PARVB: variants seen among roughly 807,000 people sequenced by gnomAD.
PARVB encodes beta-parvin.
In PARVB, 46 loss-of-function variants were observed where a neutral mutation model predicts 47.0. That is an observed-to-expected ratio of 0.98 (90% CI 0.77 to 1.25). The LOEUF is 1.25. Among genes scored for constraint, PARVB ranks in the 50% most tolerant of loss-of-function variants. The pLI is 0.00. For synonymous variants in PARVB, 196 were observed against 196.3 expected (o/e 1.00, Z 0.01); for missense variants, 473 against 471.6 (o/e 1.00, Z -0.03).
intron 7 of PARVB, among the ~76,000 whole-genome samples, chr22:44,138,365 C>A (rs1031136718): frequency 6.6e-6 from 1 of 152,018 alleles, no homozygotes; most frequent in Admixed American, 6.6e-5. Context: ...ATCAGATGGC[C>A]CTGAGCAGTG....
chr22:44,122,506 G>GAC (rs2053073617), intron 4 of PARVB, among the ~76,000 whole-genome samples: 3 of 92,264 alleles, frequency 3.3e-5, no homozygotes, highest in African/African-American at 1.4e-4. Flanking sequence ...GAGAGAGAGA[G>GAC]AGAGAGAGAG....
intron 11 of PARVB, chr22:44,162,931 T>C (rs139078): frequency 0.6 from 90,538 of 152,116 alleles, 27,332 homozygotes; most frequent in East Asian, 0.78. Context: ...CACGTTTCTG[T>C]AGCATCTAAC....
chr22:44,118,279 G>T (rs1379815201), intron 3 of PARVB, among the ~76,000 whole-genome samples: 1 of 152,240 alleles, frequency 6.6e-6, no homozygotes, highest in Non-Finnish European at 1.5e-5. Context: ...TTGAAAACAT[G>T]CTCAGTGAAA....
At chr22:44,048,036 G>A (rs2051144394) in intron 1 of PARVB, among the ~76,000 whole-genome samples, 1 of 152,196 alleles carries the variant, frequency 6.6e-6, no homozygotes, top group South Asian at 2.1e-4. Flanking sequence ...ATTCCCCACA[G>A]GACCAGTGGG....
chr22:44,129,927 G>A (rs898122655), intron 4 of PARVB, among the ~76,000 whole-genome samples: 4 of 152,188 alleles, frequency 2.6e-5, no homozygotes, highest in Non-Finnish European at 5.9e-5. Context: ...GCCAACAAAC[G>A]CATGATCGAA....
chr22:44,055,941 C>G (rs1191778367), intron 1 of PARVB, among the ~76,000 whole-genome samples: 3 of 152,148 alleles, frequency 2.0e-5, no homozygotes, highest in African/African-American at 7.2e-5. Flanking sequence ...GAATGCTAAC[C>G]TCATCTAGAA....
intron 4 of PARVB, among the ~76,000 whole-genome samples, chr22:44,121,068 C>T (rs2053035739): frequency 6.6e-6 from 1 of 152,130 alleles, no homozygotes; most frequent in South Asian, 2.1e-4. Context: ...GTCTTGATCT[C>T]CTGACCTCAT....
At chr22:44,029,348 A>G (rs1029046543) in intron 1 of PARVB, among the ~76,000 whole-genome samples, 3 of 152,148 alleles carry the variant, frequency 2.0e-5, no homozygotes, top group Non-Finnish European at 2.9e-5. Flanking sequence ...TTCTTCATAT[A>G]TTTTGGATAC....
chr22:44,081,876 G>A lies in PARVB; in HGVS notation c.113-12052G>A, dbSNP rs980910311. Among the ~76,000 whole-genome samples the A allele has an allele frequency of 3.3e-5, 5 of 152,272 alleles. No individual in the cohort carries two copies. The South Asian group carries it at 1.0e-3, about 32-fold the overall frequency. Reference sequence around the variant, plus strand: ...CGAGGCTCTTTTCTTCTTATTATTAGCTAATGACAGATTTCATGACCAGTG... The same window carrying A: ...CGAGGCTCTTTTCTTCTTATTATTAACTAATGACAGATTTCATGACCAGTG... On this transcript the variant is annotated intron_variant, in intron 1 of 12. Transcript: ENST00000338758.
chr22:44,067,712 A>C (rs567771797), intron 1 of PARVB, among the ~76,000 whole-genome samples: 20 of 152,136 alleles, frequency 1.3e-4, no homozygotes, highest in Non-Finnish European at 2.5e-4. Context: ...AAACTGTTAA[A>C]CCAAAACCAG....
chr22:43,999,287 C>A (rs1603421234), exon 1 of PARVB: 5 of 1,364,128 alleles, frequency 3.7e-6, no homozygotes, highest in Non-Finnish European at 5.0e-6. Context: ...TTTCTGAATT[C>A]TCCCTTTTTA....
chr22:44,159,557 G>C (rs1408152934), intron 11 of PARVB, among the ~76,000 whole-genome samples: 3 of 152,204 alleles, frequency 2.0e-5, no homozygotes, highest in Non-Finnish European at 2.9e-5. Flanking sequence ...AGGAGAAAGG[G>C]AGCCTGGGGT....
intron 8 of PARVB, chr22:44,140,705 G>T: frequency 2.3e-6 from 1 of 436,168 alleles, no homozygotes; most frequent in Admixed American, 2.4e-5. Context: ...CCCCAGGCAG[G>T]GGCTGCTGTG....
At chr22:44,056,465 A>G (rs2051314096) in intron 1 of PARVB, among the ~76,000 whole-genome samples, 1 of 152,098 alleles carries the variant, frequency 6.6e-6, no homozygotes, top group Non-Finnish European at 1.5e-5. Context: ...TCTGTGCCAC[A>G]GATTTTTTGT....
At chr22:44,148,007 G>A in intron 9 of PARVB, 85 bp downstream of exon 9, 1 of 1,055,636 alleles carries the variant, frequency 9.5e-7, no homozygotes, top group Non-Finnish European at 1.5e-6. Flanking sequence ...GAAGAAGGTG[G>A]GAAAATGTTT....
chr22:44,166,106 G>A (rs1425589314), intron 12 of PARVB, among the ~76,000 whole-genome samples: 1 of 152,070 alleles, frequency 6.6e-6, no homozygotes, highest in Non-Finnish European at 1.5e-5. Context: ...TTGTCCTCCC[G>A]AACCCACGAC....
In PARVB at chr22:44,068,818, T is replaced by A. The variant is rs1179724691; in HGVS notation, c.113-25110T>A. ...TCAGTTTAGCTCTGAGCCACGTGCA[T>A]CTTCAGTCAGCCCAGGGGCCTGGGC... On this transcript the variant is annotated intron_variant, in intron 1 of 12. Transcript: ENST00000338758. This position sits in a 1 kb window ranked among gnomAD's most constrained non-coding sequence, Gnocchi z 4.1. 1.3e-5 allele frequency among the ~76,000 whole-genome samples: 2 copies of A among 152,172 alleles called. No homozygotes were observed. Among genetic ancestry groups the A allele is most frequent in the African/African-American group, 4.8e-5 (2 of 41,436 alleles).
In PARVB at chr22:44,015,819, C is replaced by T. The variant is rs146503967; in HGVS notation, c.211+16146C>T. On this transcript the variant is annotated intron_variant, in intron 2 of 13. Transcript: ENST00000406477. ...GGGCAACAAGAGCAAAACTCTGTCT[C>T]ACAAAAACAAACAAACAAAAAAAGA... is the stretch of plus-strand genomic sequence containing the variant. Among the ~76,000 whole-genome samples, 476 of 152,238 alleles carry T rather than the reference C, an allele frequency of 3.1e-3. 3 individuals carry two copies. Among genetic ancestry groups the T allele is most frequent in the African/African-American group, 0.011 (456 of 41,532 alleles).
intron 2 of PARVB, among the ~76,000 whole-genome samples, chr22:44,004,646 C>T (rs1279320552): frequency 1.3e-5 from 2 of 152,192 alleles, no homozygotes; most frequent in Non-Finnish European, 2.9e-5. Context: ...AACTTGCTTC[C>T]CGCCTCACGT....
Sources: gnomAD v4.1 joint callset for allele counts (sites outside exome capture counted in the v4.1 genomes callset) on GRCh38, gnomAD v4.1.1 for gene constraint, Gnocchi (gnomAD v3.1) non-coding constraint, MANE v1.5 for transcripts, NCBI Gene and HGNC (gene_info 2026-07-23, HGNC 2026-07-21) for gene names.